The following TAFA2 variants were observed in gnomAD, a reference collection of about 807,000 sequenced individuals.
TAFA2 encodes chemokine-like protein TAFA-2.
In TAFA2, 7 loss-of-function variants were observed where a neutral mutation model predicts 18.8. The ratio of observed to expected loss-of-function variants is 0.37; its 90% CI spans 0.21 to 0.70. The LOEUF (loss-of-function observed/expected upper bound fraction) is 0.70. TAFA2 is among the 30% of genes least tolerant of loss of function. TAFA2 has a pLI of 0.53. For synonymous variants in TAFA2, 60 were observed against 54.2 expected, an observed-to-expected ratio of 1.11 and a Z score of -0.47; for missense variants, 122 against 158.1, an observed-to-expected ratio of 0.77 and a Z score of 1.23.
At chr12:61,880,758 G>T in intron 1 of TAFA2, 1 of 373,774 alleles carries the variant, frequency 2.7e-6, no homozygotes, top group Non-Finnish European at 5.3e-6. Context: ...GTCCTCTGAC[G>T]TCCTGCCTGA....
intron 1 of TAFA2, among the ~76,000 whole-genome samples, chr12:61,908,413 G>A (rs1876457682): frequency 6.6e-6 from 1 of 152,030 alleles, no homozygotes; most frequent in Non-Finnish European, 1.5e-5. Context: ...GCAAGACAAT[G>A]TATGACTTTG....
chr12:61,860,319 C>A (rs1056275165), intron 2 of TAFA2, among the ~76,000 whole-genome samples: 8 of 151,948 alleles, frequency 5.3e-5, no homozygotes, highest in Non-Finnish European at 1.2e-4. Context: ...ATTAAAAGTC[C>A]AGAATACAGT....
chr12:61,876,673 A>G (rs1257695606), intron 1 of TAFA2, among the ~76,000 whole-genome samples: 1 of 152,110 alleles, frequency 6.6e-6, no homozygotes, highest in African/African-American at 2.4e-5. Context: ...TATTTCAACC[A>G]TACCATCAAA....
intron 1 of TAFA2, among the ~76,000 whole-genome samples, chr12:61,868,215 T>C (rs1874440219): frequency 6.6e-6 from 1 of 152,176 alleles, no homozygotes. Flanking sequence ...AAGAACAAAT[T>C]TGGCCTGTAG....
intron 1 of TAFA2, among the ~76,000 whole-genome samples, chr12:62,184,502 C>CTTTTTTTTTTTTTTTT (rs10526118): frequency 1.5e-4 from 16 of 106,176 alleles, no homozygotes; most frequent in Non-Finnish European, 2.1e-4. Flanking sequence ...AAAAAAAATT[C>CTTTTTTTTTTTTTTTT]TTTTTTTTTT....
intron 1 of TAFA2, among the ~76,000 whole-genome samples, chr12:62,220,703 T>C (rs2062756772): frequency 6.6e-6 from 1 of 152,078 alleles, no homozygotes; most frequent in South Asian, 2.1e-4. Flanking sequence ...CAGTGGCATA[T>C]GGGATCTCTC....
In TAFA2 at chr12:61,755,016, C is replaced by T. The variant is rs1467528530; in HGVS notation, c.115G>A (p.Val39Ile). The change falls in exon 3 of 5, where the codon GTT (valine) becomes ATT (isoleucine). Residue 39 changes from valine (V) to isoleucine (I), a missense_variant. Val to Ile is a conservative substitution (Grantham distance 29). Transcript: ENST00000416284. Reference protein sequence around the residue: ...SSANHHKAHHVKTGTCEVVAL... With the variant: ...SSANHHKAHHIKTGTCEVVAL... Reference sequence around the variant, plus strand: ...ACCACCTCACAAGTTCCCGTTTTAACATGGTGAGCTGCACAAACAAAAAAG... The same window carrying T: ...ACCACCTCACAAGTTCCCGTTTTAATATGGTGAGCTGCACAAACAAAAAAG... 1.2e-6 allele frequency: 2 copies of T among 1,612,640 alleles called. No homozygotes were observed. The highest frequency in any genetic ancestry group is 1.7e-6 in the Non-Finnish European group (2 of 1,179,200).
chr12:61,819,340 A>G (rs932940028), intron 2 of TAFA2, among the ~76,000 whole-genome samples: 2 of 152,224 alleles, frequency 1.3e-5, no homozygotes, highest in African/African-American at 4.8e-5. Flanking sequence ...CTATAATCAT[A>G]TCCAAAGCAG....
intron 4 of TAFA2, among the ~76,000 whole-genome samples, chr12:61,711,513 A>C (rs1259904088): frequency 6.6e-6 from 1 of 152,080 alleles, no homozygotes; most frequent in East Asian, 1.9e-4. Context: ...ATTAAGTGAC[A>C]TTGTTACTTG....
intron 1 of TAFA2, among the ~76,000 whole-genome samples, chr12:62,035,555 T>A (rs348685): frequency 3.5e-5 from 5 of 143,694 alleles, no homozygotes; most frequent in Non-Finnish European, 7.7e-5. Flanking sequence ...TAAAAAAAAT[T>A]AAAAAAAAAA....
chr12:61,849,481 G>C (rs1265575558), intron 2 of TAFA2, among the ~76,000 whole-genome samples: 1 of 152,068 alleles, frequency 6.6e-6, no homozygotes, highest in Non-Finnish European at 1.5e-5. Flanking sequence ...CTAGTATCTT[G>C]CTTATTTATT....
chr12:62,143,429 C>T (rs778659798), intron 1 of TAFA2, among the ~76,000 whole-genome samples: 3 of 152,166 alleles, frequency 2.0e-5, no homozygotes, highest in African/African-American at 2.4e-5. Flanking sequence ...AATTATAAAA[C>T]GGAATTTTTT....
At chr12:62,153,823 T>C (rs1042433619) in intron 1 of TAFA2, among the ~76,000 whole-genome samples, 13 of 152,202 alleles carry the variant, frequency 8.5e-5, no homozygotes, top group Admixed American at 2.6e-4. Context: ...AAACTCTAGA[T>C]ATAAAGTTTA....
At chr12:61,714,072 G>A (rs1268141802) in intron 4 of TAFA2, among the ~76,000 whole-genome samples, 2 of 152,096 alleles carry the variant, frequency 1.3e-5, no homozygotes, top group East Asian at 1.9e-4. Flanking sequence ...AAAGCAGGAG[G>A]TTGCAATAAA....
chr12:61,917,680 G>A (rs745915666), intron 1 of TAFA2, among the ~76,000 whole-genome samples: 12 of 152,100 alleles, frequency 7.9e-5, no homozygotes, highest in Admixed American at 1.3e-4. Flanking sequence ...TTAAAGAAGC[G>A]TGGTCACTTA....
intron 2 of TAFA2, among the ~76,000 whole-genome samples, chr12:61,814,202 G>A (rs1871986463): frequency 6.6e-6 from 1 of 151,278 alleles, no homozygotes; most frequent in Non-Finnish European, 1.5e-5. Context: ...TTGAAGAAGA[G>A]CATTTGTGCC....
At position 62,142,854 on chromosome 12, in the gene TAFA2, G is replaced by A. The variant is rs564824277; in HGVS notation, c.-2+48405C>T. Among the ~76,000 whole-genome samples, 9 of 152,108 alleles carry A rather than the reference G, an allele frequency of 5.9e-5. 1 individual carries two copies. Among genetic ancestry groups the A allele is most frequent in the Middle Eastern group, 3.4e-3 (1 of 294 alleles). Reference sequence around the variant, plus strand: ...ATTTACTGGATTGTAACTATTTGCTGGGCAATGTTTTAACCACCTGGTGCA... The same window carrying A: ...ATTTACTGGATTGTAACTATTTGCTAGGCAATGTTTTAACCACCTGGTGCA... On this transcript the variant is annotated intron_variant, in intron 1 of 4. Coordinates refer to ENST00000416284, the MANE Select transcript of TAFA2 (RefSeq NM_178539.5).
At chr12:61,974,258 A>T (rs1039904396) in intron 1 of TAFA2, among the ~76,000 whole-genome samples, 7 of 151,790 alleles carry the variant, frequency 4.6e-5, no homozygotes, top group African/African-American at 1.7e-4. Flanking sequence ...AAAAGAAAGA[A>T]TATTACTGAT....
intron 1 of TAFA2, among the ~76,000 whole-genome samples, chr12:62,081,149 C>T (rs1451482252): frequency 6.6e-6 from 1 of 152,030 alleles, no homozygotes; most frequent in Non-Finnish European, 1.5e-5. Flanking sequence ...GAACCGAGAT[C>T]GCGCCACTGC....
Sources: allele counts gnomAD v4.1 joint callset (sites outside exome capture counted in the v4.1 genomes callset), GRCh38; gene constraint gnomAD v4.1.1; transcripts MANE v1.5; gene names NCBI Gene and HGNC (gene_info 2026-07-23, HGNC 2026-07-21).